The following LILRB2 variants were observed in gnomAD, a reference collection of about 807,000 sequenced individuals.
LILRB2 encodes the protein leukocyte immunoglobulin-like receptor subfamily B member 2.
A neutral mutation model predicts 72.7 loss-of-function variants in LILRB2; 47 were observed. The observed-to-expected ratio is 0.65, with a 90% CI of 0.51 to 0.82. LILRB2 has a LOEUF of 0.82. LILRB2 is among the 40% of genes least tolerant of loss of function. LILRB2 has a pLI of 0.00. For synonymous variants in LILRB2, 279 were observed against 313.7 expected (o/e 0.89, Z 1.17); for missense variants, 767 against 764.8 (o/e 1.00, Z -0.03).
rs867376764 is a variant in LILRB2, at chr19:54,279,428, C to A, written c.575G>T (p.Trp192Leu). Residue 192 changes from tryptophan to leucine, a missense_variant, in exon 5 of 14, where the codon TGG becomes TTG. Physicochemically the swap from Trp to Leu is moderately conservative, Grantham distance 61. This residue lies in a region of LILRB2 where 599 missense variants were observed against 568.2 expected (regional missense o/e 1.05). Transcript: ENST00000314446. ...SVGPVSPNRR[W>L]SHRCYGYDLN... Reference sequence around the variant, plus strand: ...GTCATAACCATAGCACCTGTGCGACCACCTGCGATTCGGGCTCACGGGGCC... The same window carrying A: ...GTCATAACCATAGCACCTGTGCGACAACCTGCGATTCGGGCTCACGGGGCC... 6.2e-7 allele frequency: 1 copy of A among 1,614,180 alleles called. No individual in the cohort carries two copies. The highest frequency in any genetic ancestry group is 1.3e-5 in the African/African-American group (1 of 75,044).
At position 54,276,885 on chromosome 19, in the gene LILRB2, C is replaced by T. The variant is rs200943350; in HGVS notation, c.1402G>A (p.Val468Ile). ...LGVVIGILVA[V>I]VLLLLLLLLL... The stretch of plus-strand genomic sequence containing the variant: ...AGGAGGAGGAGGAGCAGTAGGACGA[C>T]GGCCACCAAGATGCCGATCACAACC... Residue 468 changes from valine (V) to isoleucine (I), a missense_variant, in exon 10 of 14, where the codon GTC (valine) becomes ATC (isoleucine). Val to Ile is a conservative substitution (Grantham distance 29). Transcript: ENST00000314446. 73 of 1,614,032 alleles carry T rather than the reference C, an allele frequency of 4.5e-5. No homozygotes were observed. Among genetic ancestry groups the T allele is most frequent in the Admixed American group, 4.5e-4 (27 of 60,002 alleles).
rs1240153422 is a variant in LILRB2 at position 54,274,512 on chromosome 19, T to C, written c.*171A>G. Reference sequence around the variant, plus strand: ...TAATTAAAAAATGTAGGGATATTAGTTATTTCGACTGCAGAATCAAGTGAG... The same window carrying C: ...TAATTAAAAAATGTAGGGATATTAGCTATTTCGACTGCAGAATCAAGTGAG... On this transcript the variant is annotated 3_prime_UTR_variant, in exon 14 of 14. Transcript: ENST00000314446. 1.6e-6 allele frequency: 2 copies of C among 1,233,242 alleles called. No individual in the cohort carries two copies. The highest frequency in any genetic ancestry group is 2.6e-5 in the East Asian group (1 of 38,918). 76.4% of individuals were successfully genotyped at this position (1,233,242 alleles called of 1,614,324 possible). A position where few individuals can be genotyped will look rare whatever the true frequency, so the allele number is the denominator to read the frequency against.
chr19:54,274,991 C>G lies in LILRB2; in HGVS notation c.1648-162G>C, dbSNP rs571298925. The G allele has an allele frequency of 1.2e-4, 198 of 1,609,518 alleles. No individual in the cohort carries two copies. The African/African-American group carries it at 2.0e-3, about 17-fold the overall frequency. ...CCGGACAGTGGGGAGGGAGGAGAGG[C>G]CATTTCTCTCCTAGGTCTGGAGTGT... On this transcript the variant is annotated intron_variant, in intron 13 of 13. Transcript: ENST00000314446.
In LILRB2 at chr19:54,275,087, G is replaced by T. The variant is rs887507291; in HGVS notation, c.1648-258C>A. The T allele has an allele frequency of 2.2e-5, 35 of 1,602,686 alleles. No individual in the cohort carries two copies. The Admixed American group carries it at 5.7e-4, about 26-fold the overall frequency. The stretch of plus-strand genomic sequence containing the variant: ...CTCTGCTGGAGAGAGACAGTGGTGG[G>T]GGGTGTCCTTGAGTCCCCCTGACCT... On this transcript the variant is annotated intron_variant, in intron 13 of 13. Coordinates refer to ENST00000314446, the MANE Select transcript of LILRB2 (RefSeq NM_001080978.4).
At chr19:54,280,817 G>A (rs912733455) in intron 1 of LILRB2, 144 bp downstream of exon 1, 1 of 707,476 alleles carries the variant, frequency 1.4e-6, no homozygotes. Flanking sequence ...GAGCCGGGAT[G>A]TAGCAGCAAA....
chr19:54,276,489 G>C, intron 10 of LILRB2, 33 bp from the exon 11 acceptor site: 1 of 1,429,442 alleles, frequency 7.0e-7, no homozygotes, highest in Admixed American at 2.1e-5. Flanking sequence ...TCAGCCCTGG[G>C]AACATTGGAG....
intron 9 of LILRB2, chr19:54,277,281 G>T: frequency 1.3e-6 from 2 of 1,485,406 alleles, no homozygotes; most frequent in Non-Finnish European, 1.8e-6. Context: ...CGTCTCTGCT[G>T]CAGGTGGGAC....
At position 54,280,564 on chromosome 19, in the gene LILRB2, C is replaced by T. The variant is rs1335541299; in HGVS notation, c.-48-20G>A. The T allele has an allele frequency of 6.2e-6, 10 of 1,613,138 alleles. No individual in the cohort carries two copies. Among genetic ancestry groups the T allele is most frequent in the African/African-American group, 1.3e-5 (1 of 74,802 alleles). Reference sequence around the variant, plus strand: ...TCGGTGCTGGCGGGACAGAGACACACAGAGAGAAATAGCCTCCCCTCCTTC... The same window carrying T: ...TCGGTGCTGGCGGGACAGAGACACATAGAGAGAAATAGCCTCCCCTCCTTC... On this transcript the variant is annotated intron_variant, in intron 1 of 13. Transcript: ENST00000314446.
chr19:54,280,306 G>A lies in LILRB2; in HGVS notation c.35-7C>T. 6.2e-7 allele frequency: 1 copy of A among 1,614,178 alleles called. No individual in the cohort carries two copies. Among genetic ancestry groups the A allele is most frequent in the African/African-American group, 1.3e-5 (1 of 75,050 alleles). On this transcript the variant is annotated splice_region_variant and splice_polypyrimidine_tract_variant and intron_variant, in intron 2 of 13. Transcript: ENST00000314446. Reference sequence around the variant, plus strand: ...CTGGGGCCCAGACTCAGCCCTGGAAGAGAGTTCCCTGTGAGGGATTTGCCC... The same window carrying A: ...CTGGGGCCCAGACTCAGCCCTGGAAAAGAGTTCCCTGTGAGGGATTTGCCC...
chr19:54,277,619 G>A (rs763023152), intron 8 of LILRB2, 22 bp from the exon 9 acceptor site: 2 of 1,558,420 alleles, frequency 1.3e-6, no homozygotes, highest in Non-Finnish European at 8.7e-7. Flanking sequence ...GGACGGGGAG[G>A]TGAGGGCTGG....
In LILRB2 at chr19:54,280,088, C is replaced by G; in HGVS notation, c.71-13G>C. 1 of 1,613,248 alleles carries G rather than the reference C, an allele frequency of 6.2e-7. No individual in the cohort carries two copies. Among genetic ancestry groups the G allele is most frequent in the Non-Finnish European group, 8.5e-7 (1 of 1,179,518 alleles). On this transcript the variant is annotated splice_polypyrimidine_tract_variant and intron_variant, in intron 3 of 13. Coordinates refer to ENST00000314446, the MANE Select transcript of LILRB2 (RefSeq NM_001080978.4). ...TTGGGGATGGTCCCTGGAAGGAAAT[C>G]AAAGGTCAGATTCGAAGTCATTTCC... is the stretch of plus-strand genomic sequence containing the variant.
At chr19:54,275,841 G>C in intron 13 of LILRB2, 110 bp downstream of exon 13, 1 of 1,373,390 alleles carries the variant, frequency 7.3e-7, no homozygotes, top group Non-Finnish European at 1.0e-6. Context: ...GACAAGGAGG[G>C]GTCCACCGTG....
In LILRB2 at chr19:54,275,141, G is replaced by A. The variant is rs1214632556; in HGVS notation, c.1648-312C>T. 354 of 1,477,720 alleles carry A rather than the reference G, an allele frequency of 2.4e-4. 3 individuals are homozygous for A. In the South Asian group the frequency reaches 3.5e-3, roughly 15 times the overall value. 91.5% of individuals were successfully genotyped at this position (1,477,720 alleles called of 1,614,324 possible). On this transcript the variant is annotated intron_variant, in intron 13 of 13. Transcript: ENST00000314446. ...GGAGTCAATTTTCCTCACTGTTCCC[G>A]GGGTGATCCGATTACATCCCTTTCC...
chr19:54,277,405 C>G, intron 9 of LILRB2, 145 bp downstream of exon 9: 1 of 1,342,216 alleles, frequency 7.5e-7, no homozygotes, highest in African/African-American at 1.5e-5. Flanking sequence ...GCAGGCCTCT[C>G]TCCTTTACAC....
rs1332665232 is a variant in LILRB2 at position 54,279,526 on chromosome 19, TC to T, written c.476del (p.Gly159GlufsTer9). 6.2e-7 allele frequency: 1 copy of T among 1,613,890 alleles called. No homozygotes were observed. The highest frequency in any genetic ancestry group is 1.3e-5 in the African/African-American group (1 of 74,848). On this transcript the variant is annotated frameshift_variant, in exon 5 of 14. Transcript: ENST00000314446. LOFTEE classifies it high-confidence loss of function. ...AFGGFILCKE[G>X]EDEHPQCLNS... ...TCAGGCATTGTGGGTGTTCATCTTCTCCTTCCTTACACAGAATGAAGCCGCC... is the reference window on the plus strand; with the variant it reads ...TCAGGCATTGTGGGTGTTCATCTTCTCTTCCTTACACAGAATGAAGCCGCC...
In LILRB2 at chr19:54,276,258, A is replaced by T; in HGVS notation, c.1594+6T>A. 1 of 1,611,964 alleles carries T rather than the reference A, an allele frequency of 6.2e-7. No homozygotes were observed. On this transcript the variant is annotated splice_donor_region_variant and intron_variant, in intron 12 of 13. Transcript: ENST00000314446. The stretch of plus-strand genomic sequence containing the variant: ...TCCTGGCTGGTCACCTCTTCCTCTC[A>T]CTCACAGAGGTTTTCTTCCTGGGCG...
chr19:54,280,862 T>G, intron 1 of LILRB2, 99 bp downstream of exon 1: 4 of 460,246 alleles, frequency 8.7e-6, no homozygotes, highest in African/African-American at 1.2e-4. Context: ...CCCTTCCTGA[T>G]GAGGGTAGCA....
rs750260466 is a variant in LILRB2 at position 54,274,829 on chromosome 19, C to G, written c.1648G>C (p.Ala550Pro). 7 of 1,610,920 alleles carry G rather than the reference C, an allele frequency of 4.3e-6. No individual in the cohort carries two copies. In the East Asian group the frequency reaches 9.0e-5, roughly 21 times the overall value. Residue 550 changes from alanine (A) to proline (P), a missense_variant and splice_region_variant, in exon 14 of 14, where the codon GCT becomes CCT. Coordinates refer to ENST00000314446, the MANE Select transcript of LILRB2 (RefSeq NM_001080978.4). ...TCCTGGGGGGCTTCAGATGCAGCAG[C>G]CTGCAGCGGGGGAGAGTGAGAGGTA... The part of the protein sequence containing the change: ...PEDGVEMDTR[A>P]AASEAPQDVT...
rs111461410 is a variant in LILRB2 at position 54,280,542 on chromosome 19, G to C, written c.-46C>G. 6.2e-7 allele frequency: 1 copy of C among 1,613,904 alleles called. No homozygotes were observed. Among genetic ancestry groups the C allele is most frequent in the East Asian group, 2.2e-5 (1 of 44,870 alleles). On this transcript the variant is annotated splice_region_variant and 5_prime_UTR_variant, in exon 2 of 14. Transcript: ENST00000314446. ...TGCTCTGCGGATGGATGAGCCCTCG[G>C]TGCTGGCGGGACAGAGACACACAGA...
Sources: gnomAD v4.1 joint callset for allele counts on GRCh38, gnomAD v4.1.1 for gene constraint, gnomAD v4.1.1 regional missense constraint, MANE v1.5 for transcripts, NCBI Gene and HGNC (gene_info 2026-07-23, HGNC 2026-07-21) for gene names.